The following SRGAP3 variants were observed in gnomAD, a reference collection of about 807,000 sequenced individuals.
SRGAP3 encodes SLIT-ROBO Rho GTPase activating protein 3.
In SRGAP3, 39 loss-of-function variants were observed where a neutral mutation model predicts 121.1. The ratio of observed to expected loss-of-function variants is 0.32; its 90% CI spans 0.25 to 0.42. The LOEUF (loss-of-function observed/expected upper bound fraction) is 0.42, where lower values mean the gene tolerates loss of function less well. Ranked by LOEUF, SRGAP3 falls within the 10% of genes least tolerant of loss-of-function variation. The probability of loss-of-function intolerance (pLI) is 1.00; values close to 1 mark genes in which losing one functional copy is unlikely to be tolerated. For synonymous variants in SRGAP3, 601 were observed against 570.0 expected, an observed-to-expected ratio of 1.05 and a Z score of -0.77; for missense variants, 1,213 against 1,470.6, an observed-to-expected ratio of 0.82 and a Z score of 2.86.
chr3:9,224,775 C>G (rs1255030040), intron 1 of SRGAP3, among the ~76,000 whole-genome samples: 1 of 152,186 alleles, frequency 6.6e-6, no homozygotes, highest in Non-Finnish European at 1.5e-5. Flanking sequence ...AACAGCAGGG[C>G]ATCTCCTAAG....
intron 11 of SRGAP3, chr3:9,037,444 G>T: frequency 6.5e-6 from 1 of 154,228 alleles, no homozygotes; most frequent in Non-Finnish European, 1.4e-5. Context: ...GGTCTGCTCA[G>T]GAAAAAGCGC....
chr3:9,178,999 C>G (rs1951282394), intron 1 of SRGAP3, among the ~76,000 whole-genome samples: 1 of 152,170 alleles, frequency 6.6e-6, no homozygotes, highest in African/African-American at 2.4e-5. Context: ...CCCCATTCTC[C>G]CCCATGTCCC....
chr3:9,102,251 G>A (rs1038869824), intron 3 of SRGAP3, among the ~76,000 whole-genome samples: 3 of 152,174 alleles, frequency 2.0e-5, no homozygotes, highest in Admixed American at 6.5e-5. Context: ...ATATTAAAGC[G>A]GCCCCCTGTG....
intron 10 of SRGAP3, among the ~76,000 whole-genome samples, chr3:9,040,565 A>G (rs1944966548): frequency 1.3e-5 from 2 of 151,222 alleles, no homozygotes; most frequent in South Asian, 4.2e-4. Context: ...ATTCTATTCT[A>G]TTTTATATTA....
At chr3:9,171,212 G>A (rs151165834) in intron 1 of SRGAP3, among the ~76,000 whole-genome samples, 2 of 152,226 alleles carry the variant, frequency 1.3e-5, no homozygotes, top group South Asian at 2.1e-4. Context: ...AAAGAATTAA[G>A]ACAACGTGTT....
chr3:9,089,185 GGCCCCAT>G (rs1259621095), intron 3 of SRGAP3, among the ~76,000 whole-genome samples: 1 of 151,462 alleles, frequency 6.6e-6, no homozygotes, highest in African/African-American at 2.4e-5. Context: ...CACGGTGCCT[GGCCCCAT>G]TTGTTGAATA....
chr3:9,203,764 A>G (rs1952156188), intron 1 of SRGAP3, among the ~76,000 whole-genome samples: 1 of 152,252 alleles, frequency 6.6e-6, no homozygotes. Context: ...TAATTAAGTA[A>G]TAAAGCTAGG....
chr3:8,995,075 C>T (rs1184072184), intron 18 of SRGAP3, among the ~76,000 whole-genome samples: 1 of 152,146 alleles, frequency 6.6e-6, no homozygotes, highest in Non-Finnish European at 1.5e-5. Context: ...CCCTCACCCA[C>T]AACGTGACTG....
At chr3:9,138,864 C>A (rs1180881763) in intron 1 of SRGAP3, among the ~76,000 whole-genome samples, 1 of 152,154 alleles carries the variant, frequency 6.6e-6, no homozygotes, top group Non-Finnish European at 1.5e-5. Context: ...TATGAATGGG[C>A]AAATATTACA....
chr3:9,316,780 A>G (rs1468101290), intron 3 of SRGAP3, among the ~76,000 whole-genome samples: 1 of 152,206 alleles, frequency 6.6e-6, no homozygotes, highest in African/African-American at 2.4e-5. Context: ...CAACTATCCA[A>G]GCAATTTCTA....
intron 1 of SRGAP3, among the ~76,000 whole-genome samples, chr3:9,242,003 AG>A (rs1243558413): frequency 7.0e-6 from 1 of 143,400 alleles, no homozygotes; most frequent in African/African-American, 2.6e-5. Context: ...ACTTGAGCCC[AG>A]GGGGTGGAGG....
At position 9,309,421 on chromosome 3, in the gene SRGAP3, C is replaced by T. The variant is rs182456045; in HGVS notation, n.442+16589G>A. On this transcript the variant is annotated intron_variant and non_coding_transcript_variant, in intron 3 of 3. Transcript: ENST00000490889. ...TTAGTTAACCTTGACAATAATACCC[C>T]TTCCTGCTCGGTTTGATTGCCATAC... Among the ~76,000 whole-genome samples, 308 of 152,342 alleles carry T rather than the reference C, an allele frequency of 2.0e-3. 1 individual carries two copies. The highest frequency in any genetic ancestry group is 7.1e-3 in the African/African-American group (294 of 41,574).
rs59526915 is a variant in SRGAP3, at chr3:9,242,103, G to A, written c.67+6782C>T. Among the ~76,000 whole-genome samples, 254 of 149,844 alleles carry A rather than the reference G, an allele frequency of 1.7e-3. 5 individuals carry two copies. The East Asian group carries it at 0.035, about 21-fold the overall frequency. On this transcript the variant is annotated intron_variant, in intron 1 of 21. Coordinates refer to ENST00000383836, the MANE Select transcript of SRGAP3 (RefSeq NM_014850.4). ...AAAAAAAAAAAAAAAAAAAAAAGAGGAAGGAGCGAAAGGGAGAGATTTCTC... is the reference window on the plus strand; with the variant it reads ...AAAAAAAAAAAAAAAAAAAAAAGAGAAAGGAGCGAAAGGGAGAGATTTCTC...
intron 1 of SRGAP3, among the ~76,000 whole-genome samples, chr3:9,211,185 A>C (rs1952435071): frequency 1.3e-5 from 2 of 152,324 alleles, no homozygotes; most frequent in South Asian, 4.1e-4. Flanking sequence ...ACACACACAG[A>C]ATGTAATAGT....
chr3:9,047,203 C>A (rs1038273271), intron 10 of SRGAP3, among the ~76,000 whole-genome samples, 188 bp downstream of exon 10: 2 of 152,066 alleles, frequency 1.3e-5, no homozygotes, highest in African/African-American at 4.8e-5. Flanking sequence ...TTTTCTATAG[C>A]CAGATTGGAC....
intron 14 of SRGAP3, among the ~76,000 whole-genome samples, chr3:9,019,816 C>T (rs1943824562): frequency 6.6e-6 from 1 of 152,210 alleles, no homozygotes; most frequent in Non-Finnish European, 1.5e-5. Flanking sequence ...TTGTGCAGTG[C>T]CCAGAGTGAA....
intron 3 of SRGAP3, among the ~76,000 whole-genome samples, chr3:9,097,158 T>C (rs1948019441): frequency 3.3e-5 from 5 of 151,396 alleles, no homozygotes; most frequent in Middle Eastern, 3.4e-3. Flanking sequence ...ACCTGGCTAA[T>C]TTTTAATTTT....
At chr3:9,027,143 C>T (rs1465457410) in intron 12 of SRGAP3, 148 bp from the exon 13 acceptor site, 2 of 775,464 alleles carry the variant, frequency 2.6e-6, no homozygotes, top group South Asian at 2.8e-5. Context: ...ATCCTAAAGT[C>T]TCCACGGACA....
intron 1 of SRGAP3, among the ~76,000 whole-genome samples, chr3:9,231,812 T>A (rs1336160120): frequency 2.6e-5 from 4 of 152,148 alleles, no homozygotes; most frequent in African/African-American, 9.7e-5. Context: ...ACACACCACC[T>A]CATTTGATCC....
Sources: allele counts gnomAD v4.1 joint callset (sites outside exome capture counted in the v4.1 genomes callset), GRCh38; gene constraint gnomAD v4.1.1; transcripts MANE v1.5; gene names NCBI Gene and HGNC (gene_info 2026-07-23, HGNC 2026-07-21).